The following NLRP5 variants were observed in gnomAD, a reference collection of about 807,000 sequenced individuals.
NLRP5 encodes the protein NLR family pyrin domain containing 5.
In NLRP5, 93 loss-of-function variants were observed where a neutral mutation model predicts 113.1. That is an observed-to-expected ratio of 0.82 (90% CI 0.70 to 0.98). The LOEUF (loss-of-function observed/expected upper bound fraction) is 0.98, where lower values mean the gene tolerates loss of function less well. Among genes scored for constraint, NLRP5 ranks in the 50% least tolerant of loss-of-function variants. The probability of loss-of-function intolerance (pLI) is 0.00; values close to 1 mark genes in which losing one functional copy is unlikely to be tolerated. For synonymous variants in NLRP5, 751 were observed against 600.7 expected (o/e 1.25, Z -3.66); for missense variants, 1,808 against 1,514.3 (o/e 1.19, Z -3.22).
At chr19:56,018,428 G>A (rs1182367745) in intron 4 of NLRP5, among the ~76,000 whole-genome samples, 2 of 152,120 alleles carry the variant, frequency 1.3e-5, no homozygotes, top group African/African-American at 4.8e-5. Flanking sequence ...CAGAGGCTGT[G>A]TTATTACTCT....
At chr19:55,989,979 A>G in the NLRP5 span, among the ~76,000 whole-genome samples, 63,114 of 151,752 alleles carry the variant, frequency 0.42, 13,391 homozygotes, top group East Asian at 0.54. Context: ...TCAGCCTCAC[A>G]TGTCAAACGT....
rs557605385 is a variant in NLRP5, at chr19:56,027,413, C to T, written c.1180C>T (p.Leu394=). 1 of 1,613,520 alleles carries T rather than the reference C, an allele frequency of 6.2e-7. No homozygotes were observed. The highest frequency in any genetic ancestry group is 1.3e-5 in the African/African-American group (1 of 75,074). ...GCCTCCGTTCACCCTCATACGCAGT[C>T]TGCTGAGGAAGGTCCTGCTCCCTGA... Residue 394 remains leucine (L), a synonymous_variant, in exon 7 of 15, where the codon CTG becomes TTG. Coordinates refer to ENST00000390649, the MANE Select transcript of NLRP5 (RefSeq NM_153447.4).
chr19:56,054,149 C>T (rs927008236), intron 13 of NLRP5, among the ~76,000 whole-genome samples: 8 of 152,124 alleles, frequency 5.3e-5, no homozygotes, highest in South Asian at 2.1e-4. Flanking sequence ...GAGACAAAGA[C>T]GGGCAGAAAG....
intron 1 of NLRP5, among the ~76,000 whole-genome samples, chr19:56,002,042 A>G (rs542497587): frequency 6.6e-6 from 1 of 152,290 alleles, no homozygotes; most frequent in East Asian, 1.9e-4. Context: ...CTACATTTCA[A>G]TGTCATCATA....
At chr19:55,988,070 T>G in the NLRP5 span, 2 of 612,166 alleles carry the variant, frequency 3.3e-6, no homozygotes, top group Non-Finnish European at 5.9e-6. Context: ...AACCCTGGAG[T>G]GAGGACGGTG....
At chr19:56,058,448 G>A in intron 14 of NLRP5, 38 bp downstream of exon 14, 1 of 1,558,318 alleles carries the variant, frequency 6.4e-7, no homozygotes, top group African/African-American at 1.4e-5. Context: ...ATACAGACCT[G>A]CTTCTGTTCC....
intron 11 of NLRP5, among the ~76,000 whole-genome samples, chr19:56,045,335 C>G (rs9304771): frequency 1.2e-3 from 175 of 152,048 alleles, no homozygotes; most frequent in African/African-American, 4.1e-3. Flanking sequence ...AGCAACAAGG[C>G]TGTGTATTCA....
At chr19:56,054,417 G>T (rs149155052) in intron 13 of NLRP5, among the ~76,000 whole-genome samples, 2,764 of 152,146 alleles carry the variant, frequency 0.018, 84 homozygotes, top group African/African-American at 0.063. Flanking sequence ...AATTAGCCAG[G>T]TGTGGTGGCG....
At chr19:56,024,770 T>A (rs898004689) in intron 6 of NLRP5, among the ~76,000 whole-genome samples, 6 of 148,710 alleles carry the variant, frequency 4.0e-5, no homozygotes. Flanking sequence ...AAAAAAAAAA[T>A]CTTCATCAGG....
chr19:56,005,214 C>G (rs1394127348), intron 2 of NLRP5, among the ~76,000 whole-genome samples: 1 of 144,304 alleles, frequency 6.9e-6, no homozygotes. Context: ...TACACATACA[C>G]ACATATACAC....
rs764666206 is a variant in NLRP5, at chr19:56,053,767, C to G, written c.3258C>G (p.Cys1086Trp). Residue 1086 changes from cysteine (C) to tryptophan (W), a missense_variant, in exon 13 of 15, where the codon TGC (cysteine) becomes TGG (tryptophan). By Grantham distance (215) the Cys-to-Trp change is radical. Coordinates refer to ENST00000390649, the MANE Select transcript of NLRP5 (RefSeq NM_153447.4). ...GTGACGGTGGGGTTGCTGCGCTGTG[C>G]GAGGGACTGAAGCAAAAGAACAGTG... 1.2e-6 allele frequency: 2 copies of G among 1,613,810 alleles called. No homozygotes were observed. The highest frequency in any genetic ancestry group is 1.7e-6 in the Non-Finnish European group (2 of 1,179,836).
At chr19:56,058,178 G>T in intron 13 of NLRP5, 62 bp from the exon 14 acceptor site, 1 of 1,241,576 alleles carries the variant, frequency 8.1e-7, no homozygotes, top group Non-Finnish European at 1.1e-6. Context: ...AATTCATACG[G>T]GTTGAATGAA....
At chr19:56,011,111 T>C (rs12460940) in intron 3 of NLRP5, among the ~76,000 whole-genome samples, 57,149 of 151,606 alleles carry the variant, frequency 0.38, 10,978 homozygotes, top group Admixed American at 0.41. Context: ...CATGATTGTG[T>C]CACTGCACTT....
rs557463110 is a variant in NLRP5 at position 56,038,777 on chromosome 19, G to C, written c.2786+582G>C. On this transcript the variant is annotated intron_variant, in intron 10 of 14. Coordinates refer to ENST00000390649, the MANE Select transcript of NLRP5 (RefSeq NM_153447.4). ...GAAGGGCCTCCGAGTGGAAACGCAGGGGGCAGCAGTTCTGCACCCCTAACA... is the reference window on the plus strand; with the variant it reads ...GAAGGGCCTCCGAGTGGAAACGCAGCGGGCAGCAGTTCTGCACCCCTAACA... Among the ~76,000 whole-genome samples the C allele has an allele frequency of 2.0e-5, 3 of 152,268 alleles. No homozygotes were observed. The South Asian group carries it at 6.2e-4, about 32-fold the overall frequency.
chr19:56,019,040 C>T (rs1224044434), intron 4 of NLRP5, among the ~76,000 whole-genome samples: 2 of 152,170 alleles, frequency 1.3e-5, no homozygotes, highest in Non-Finnish European at 2.9e-5. Flanking sequence ...TGGTGATCTG[C>T]CCGCCTCGGC....
At chr19:56,005,413 AT>A (rs990237639) in intron 2 of NLRP5, among the ~76,000 whole-genome samples, 4 of 148,738 alleles carry the variant, frequency 2.7e-5, no homozygotes, top group African/African-American at 9.9e-5. Flanking sequence ...ATACACATAT[AT>A]TTTTATATAT....
chr19:56,061,362 A>G (rs758385165), intron 14 of NLRP5, 34 bp from the exon 15 acceptor site: 6 of 1,603,542 alleles, frequency 3.7e-6, no homozygotes, highest in East Asian at 2.2e-5. Context: ...CGAAAGCAAC[A>G]TCTCAGTAAC....
At chr19:56,029,379 G>T (rs1185151158) in intron 7 of NLRP5, among the ~76,000 whole-genome samples, 1 of 152,100 alleles carries the variant, frequency 6.6e-6, no homozygotes, top group East Asian at 1.9e-4. Context: ...CGATTCTCCT[G>T]ACTCAGCCTC....
Position 56,061,606 on chromosome 19 carries a change from C to A in NLRP5, c.*78C>A. ...CTGTTTTCTCAGAGCAAGCTATGCA[C>A]CTGGGAGTTCCTTCTCAAAGATGGA... is the stretch of plus-strand genomic sequence containing the variant. On this transcript the variant is annotated 3_prime_UTR_variant, in exon 15 of 15. Transcript: ENST00000390649. 1 of 1,438,234 alleles carries A rather than the reference C, an allele frequency of 7.0e-7. No homozygotes were observed. Among genetic ancestry groups the A allele is most frequent in the Non-Finnish European group, 9.7e-7 (1 of 1,033,852 alleles). The allele number at this position is 1,438,234 out of a possible 1,614,324, so 89.1% of individuals were successfully genotyped here. A position where few individuals can be genotyped will look rare whatever the true frequency, so the allele number is the denominator to read the frequency against.
Sources: gnomAD v4.1 joint callset for allele counts (sites outside exome capture counted in the v4.1 genomes callset) on GRCh38, gnomAD v4.1.1 for gene constraint, MANE v1.5 for transcripts, NCBI Gene and HGNC (gene_info 2026-07-23, HGNC 2026-07-21) for gene names.